The following GPC5 variants were observed in gnomAD, a reference collection of about 807,000 sequenced individuals.
GPC5 encodes the protein glypican 5, also known as glypican-5.
A neutral mutation model predicts 53.9 loss-of-function variants in GPC5; 47 were observed. That is an observed-to-expected ratio of 0.87 (90% CI 0.69 to 1.11). GPC5 has a LOEUF of 1.11. Ranked by LOEUF, GPC5 falls within the 50% of genes most tolerant of loss-of-function variation. GPC5 has a pLI of 0.00. For synonymous variants in GPC5, 286 were observed against 263.3 expected (o/e 1.09, Z -0.84); for missense variants, 748 against 713.1 (o/e 1.05, Z -0.56).
At chr13:91,881,578 C>G (rs548406306) in intron 5 of GPC5, among the ~76,000 whole-genome samples, 1 of 152,058 alleles carries the variant, frequency 6.6e-6, no homozygotes, top group African/African-American at 2.4e-5. Context: ...GCATTTAGAC[C>G]TTTATACATC....
chr13:92,287,290 C>T (rs1037189787), intron 7 of GPC5, among the ~76,000 whole-genome samples: 2 of 152,090 alleles, frequency 1.3e-5, no homozygotes, highest in South Asian at 2.1e-4. Context: ...ATGGTCTATT[C>T]CAGAGAATGT....
intron 7 of GPC5, among the ~76,000 whole-genome samples, chr13:92,205,513 A>G (rs890243240): frequency 9.9e-5 from 15 of 152,132 alleles, no homozygotes; most frequent in Non-Finnish European, 1.2e-4. Context: ...CAAGGGTTTC[A>G]TTAGAGGTTA....
intron 6 of GPC5, among the ~76,000 whole-genome samples, chr13:92,113,742 A>T (rs1017200668): frequency 6.6e-6 from 1 of 151,718 alleles, no homozygotes; most frequent in Non-Finnish European, 1.5e-5. Flanking sequence ...TTTTTTTTTC[A>T]CTGCTACATT....
chr13:92,377,576 A>C (rs2043705403), intron 7 of GPC5, among the ~76,000 whole-genome samples: 2 of 152,236 alleles, frequency 1.3e-5, no homozygotes, highest in Non-Finnish European at 2.9e-5. Flanking sequence ...TAAGGACTGC[A>C]CCAATTGCTA....
intron 7 of GPC5, among the ~76,000 whole-genome samples, chr13:92,239,286 T>C (rs533113573): frequency 6.6e-6 from 1 of 152,124 alleles, no homozygotes; most frequent in South Asian, 2.1e-4. Flanking sequence ...AATCTGTCAA[T>C]AAATAGGAGA....
At chr13:91,415,298 C>G (rs908957409) in intron 1 of GPC5, among the ~76,000 whole-genome samples, 2 of 152,166 alleles carry the variant, frequency 1.3e-5, no homozygotes, top group African/African-American at 2.4e-5. Flanking sequence ...CCCTGTAACA[C>G]AATCCCCTAC....
At chr13:92,265,856 G>T (rs1049259518) in intron 7 of GPC5, among the ~76,000 whole-genome samples, 1 of 152,170 alleles carries the variant, frequency 6.6e-6, no homozygotes, top group Non-Finnish European at 1.5e-5. Context: ...CTGGCTTATG[G>T]TTCTGGAGGG....
rs536043953 is a variant in GPC5, at chr13:91,567,936, G to A, written c.325+119014G>A. Among the ~76,000 whole-genome samples the A allele has an allele frequency of 5.3e-5, 8 of 152,256 alleles. No homozygotes were observed. In the South Asian group the frequency reaches 1.5e-3, roughly 28 times the overall value. On this transcript the variant is annotated intron_variant, in intron 2 of 7. Coordinates refer to ENST00000377067, the MANE Select transcript of GPC5 (RefSeq NM_004466.6). ...GGAGGGAGTGAGCTGATAGGATAATGGGGGCAGTTTCTCCCATGCTGTTCT... is the reference window on the plus strand; with the variant it reads ...GGAGGGAGTGAGCTGATAGGATAATAGGGGCAGTTTCTCCCATGCTGTTCT...
At position 91,398,650 on chromosome 13, in the gene GPC5, G is replaced by GGGCGGCGGAGGC. The variant is rs1399993387; in HGVS notation, c.-388_-377dup. 1 of 153,754 alleles carries GGGCGGCGGAGGC rather than the reference G, an allele frequency of 6.5e-6. No homozygotes were observed. Among genetic ancestry groups the GGGCGGCGGAGGC allele is most frequent in the Non-Finnish European group, 1.3e-5 (1 of 78,768 alleles). 9.5% of individuals were successfully genotyped at this position (153,754 alleles called of 1,614,324 possible). A position where few individuals can be genotyped will look rare whatever the true frequency, so the allele number is the denominator to read the frequency against. ...CAGGTTAGCTGCTGCGAGCCGAGCC[G>GGGCGGCGGAGGC]GGCGGCGGAGGCGGCGGCGGCGGCG... On this transcript the variant is annotated 5_prime_UTR_variant, in exon 1 of 8. Transcript: ENST00000377067.
chr13:92,466,584 C>G (rs768887893), intron 7 of GPC5, among the ~76,000 whole-genome samples: 9 of 152,048 alleles, frequency 5.9e-5, no homozygotes, highest in Non-Finnish European at 1.2e-4. Context: ...TATGGAAGCA[C>G]TAATTCTTAT....
At chr13:91,727,086 G>T (rs147286166) in intron 3 of GPC5, among the ~76,000 whole-genome samples, 1 of 152,280 alleles carries the variant, frequency 6.6e-6, no homozygotes, top group Non-Finnish European at 1.5e-5. Context: ...GGTTGCTCTT[G>T]TCATGTTATA....
intron 7 of GPC5, among the ~76,000 whole-genome samples, chr13:92,859,338 G>C (rs1197425433): frequency 6.6e-6 from 1 of 151,834 alleles, no homozygotes; most frequent in African/African-American, 2.4e-5. Context: ...CTAATGTTTT[G>C]TTCTGTTAAC....
chr13:91,631,078 A>G (rs10492614), intron 2 of GPC5, among the ~76,000 whole-genome samples: 11,185 of 152,148 alleles, frequency 0.074, 556 homozygotes, highest in South Asian at 0.23. Flanking sequence ...ACTGAAATTC[A>G]TTATCCTGTG....
chr13:92,093,530 A>C (rs1242352603), intron 6 of GPC5, among the ~76,000 whole-genome samples: 1 of 152,168 alleles, frequency 6.6e-6, no homozygotes, highest in Non-Finnish European at 1.5e-5. Context: ...TTATCAAGTT[A>C]TTCTTAGTTT....
At chr13:91,792,337 G>A (rs2037979170) in intron 5 of GPC5, among the ~76,000 whole-genome samples, 2 of 152,130 alleles carry the variant, frequency 1.3e-5, no homozygotes, top group Admixed American at 6.5e-5. Context: ...AGACAAAAGA[G>A]CAAAATGATA....
intron 7 of GPC5, among the ~76,000 whole-genome samples, chr13:92,222,323 T>C (rs964263400): frequency 6.6e-6 from 1 of 152,140 alleles, no homozygotes; most frequent in Non-Finnish European, 1.5e-5. Context: ...GTTTTTACAG[T>C]TGAGTGATTG....
intron 1 of GPC5, among the ~76,000 whole-genome samples, chr13:91,434,344 T>A (rs1034533681): frequency 6.6e-6 from 1 of 152,110 alleles, no homozygotes; most frequent in African/African-American, 2.4e-5. Flanking sequence ...GGTCTAACAT[T>A]TAAGTCTTTA....
intron 7 of GPC5, among the ~76,000 whole-genome samples, chr13:92,642,424 T>A (rs1885625110): frequency 6.6e-6 from 1 of 152,216 alleles, no homozygotes; most frequent in African/African-American, 2.4e-5. Flanking sequence ...AATCCTACCG[T>A]ACTCAGTGTT....
chr13:91,417,906 T>G (rs1424503092), intron 1 of GPC5, among the ~76,000 whole-genome samples: 1 of 152,152 alleles, frequency 6.6e-6, no homozygotes, highest in Non-Finnish European at 1.5e-5. Context: ...TTATGTGTGG[T>G]TTTACTTTCT....
Sources: allele counts gnomAD v4.1 joint callset (sites outside exome capture counted in the v4.1 genomes callset), GRCh38; gene constraint gnomAD v4.1.1; transcripts MANE v1.5; gene names NCBI Gene and HGNC (gene_info 2026-07-23, HGNC 2026-07-21).